EXOC4: variants seen among roughly 807,000 people sequenced by gnomAD.
EXOC4 encodes the protein exocyst complex component 4.
Under a neutral mutation model 107.2 loss-of-function variants are expected in EXOC4, and 71 were observed. The ratio of observed to expected loss-of-function variants is 0.66; its 90% confidence interval spans 0.55 to 0.81. The LOEUF (loss-of-function observed/expected upper bound fraction) is 0.81, where lower values mean the gene tolerates loss of function less well. Ranked by LOEUF, EXOC4 falls within the 30% of genes least tolerant of loss-of-function variation. The pLI is 0.00. For synonymous variants in EXOC4, 456 were observed against 441.2 expected (o/e 1.03, Z -0.42); for missense variants, 1,108 against 1,189.6 (o/e 0.93, Z 1.01).
intron 7 of EXOC4, among the ~76,000 whole-genome samples, chr7:133,400,470 T>C (rs1797065091): frequency 6.6e-6 from 1 of 152,188 alleles, no homozygotes; most frequent in Non-Finnish European, 1.5e-5. Context: ...TGACCAGTTA[T>C]TTGGGAGTCA....
At chr7:133,582,173 T>G (rs1801293187) in intron 9 of EXOC4, among the ~76,000 whole-genome samples, 2 of 152,122 alleles carry the variant, frequency 1.3e-5, no homozygotes, top group Non-Finnish European at 2.9e-5. Context: ...GGCCCTTCTT[T>G]TTGTCCACAT....
chr7:133,953,534 C>T (rs752799126), intron 14 of EXOC4, among the ~76,000 whole-genome samples: 6 of 151,932 alleles, frequency 3.9e-5, no homozygotes, highest in Non-Finnish European at 7.4e-5. Context: ...ACATGTGGTC[C>T]CAGCTACTAG....
intron 17 of EXOC4, among the ~76,000 whole-genome samples, chr7:134,040,012 A>G (rs886472377): frequency 1.3e-5 from 2 of 152,186 alleles, no homozygotes; most frequent in African/African-American, 4.8e-5. Context: ...CAAATTGCCA[A>G]CACCTCTCTA....
intron 9 of EXOC4, among the ~76,000 whole-genome samples, chr7:133,557,677 T>G (rs1395831682): frequency 6.6e-6 from 1 of 152,124 alleles, no homozygotes; most frequent in Non-Finnish European, 1.5e-5. Context: ...ATCCAACATT[T>G]TATTCTCTAT....
intron 1 of EXOC4, among the ~76,000 whole-genome samples, chr7:133,255,217 C>A (rs1026466222): frequency 6.6e-6 from 1 of 151,312 alleles, no homozygotes; most frequent in Non-Finnish European, 1.5e-5. Flanking sequence ...TTGCTCTGTC[C>A]CCAGGCTGGA....
intron 7 of EXOC4, chr7:133,396,246 G>A (rs554867585): frequency 2.1e-4 from 32 of 152,244 alleles, no homozygotes; most frequent in South Asian, 1.5e-3. Context: ...ATAATGAAAC[G>A]CTAGTGTTAT....
At chr7:133,337,940 A>C (rs1563024765) in intron 5 of EXOC4, among the ~76,000 whole-genome samples, 1 of 148,260 alleles carries the variant, frequency 6.7e-6, no homozygotes, top group Admixed American at 6.6e-5. Context: ...CCCATTTCTT[A>C]TTTTCTATGT....
intron 9 of EXOC4, among the ~76,000 whole-genome samples, chr7:133,505,835 A>AT (rs1799655969): frequency 6.6e-6 from 1 of 152,146 alleles, no homozygotes; most frequent in African/African-American, 2.4e-5. Context: ...GACTTTTTAC[A>AT]TTTCTCTCTG....
the EXOC4 span, among the ~76,000 whole-genome samples, chr7:134,080,019 A>G: frequency 2.0e-5 from 3 of 152,184 alleles, no homozygotes. Context: ...AGCTGGGGCC[A>G]TGCTACCAGC....
In EXOC4 at chr7:133,638,955, T is replaced by G. The variant is rs568742549; in HGVS notation, c.1514+8814T>G. On this transcript the variant is annotated intron_variant, in intron 10 of 17. Coordinates refer to ENST00000253861, the MANE Select transcript of EXOC4 (RefSeq NM_021807.4). ...AAAAGACTATTCAGAACAAAATGCTTGCATAATTTGTATGCTGCTTTTTAT... is the reference window on the plus strand; with the variant it reads ...AAAAGACTATTCAGAACAAAATGCTGGCATAATTTGTATGCTGCTTTTTAT... 1.5e-4 allele frequency among the ~76,000 whole-genome samples: 23 copies of G among 152,338 alleles called. No homozygotes were observed. In the South Asian group the frequency reaches 4.6e-3, roughly 30 times the overall value.
At chr7:134,005,385 T>C (rs921380653) in intron 16 of EXOC4, among the ~76,000 whole-genome samples, 9 of 151,896 alleles carry the variant, frequency 5.9e-5, no homozygotes, top group African/African-American at 2.2e-4. Context: ...ACAAATTAAC[T>C]CAAGAGGAGC....
chr7:133,509,552 A>G (rs1014247546), intron 9 of EXOC4, among the ~76,000 whole-genome samples: 2 of 18,232 alleles, frequency 1.1e-4, no homozygotes, highest in African/African-American at 2.4e-4. Flanking sequence ...TGGCATTTGG[A>G]TGTCTTAGTG....
chr7:133,543,475 TCTC>T (rs1800420707), intron 9 of EXOC4, among the ~76,000 whole-genome samples: 1 of 152,076 alleles, frequency 6.6e-6, no homozygotes, highest in Non-Finnish European at 1.5e-5. Context: ...TAATTCCATT[TCTC>T]CTGAGTTGCT....
chr7:133,762,949 T>A (rs1796063375), intron 10 of EXOC4, among the ~76,000 whole-genome samples: 1 of 152,160 alleles, frequency 6.6e-6, no homozygotes, highest in South Asian at 2.1e-4. Flanking sequence ...ATATCATGTA[T>A]ATATTAATAA....
the EXOC4 span, among the ~76,000 whole-genome samples, chr7:134,073,439 C>T: frequency 6.6e-6 from 1 of 151,618 alleles, no homozygotes; most frequent in East Asian, 1.9e-4. Flanking sequence ...TAGCTATTAG[C>T]GAGGGTTTTG....
At chr7:133,641,777 G>A (rs769727036) in intron 10 of EXOC4, among the ~76,000 whole-genome samples, 5 of 152,198 alleles carry the variant, frequency 3.3e-5, no homozygotes, top group Non-Finnish European at 7.3e-5. Context: ...AATAAGAATA[G>A]TAAAGAAAAT....
intron 8 of EXOC4, chr7:133,479,648 T>C (rs1417398226): frequency 4.1e-5 from 8 of 195,666 alleles, no homozygotes; most frequent in Non-Finnish European, 6.6e-5. Context: ...GTGTCTGTGT[T>C]GGTAGCTGGC....
chr7:133,485,225 C>T (rs1159866374), intron 9 of EXOC4, among the ~76,000 whole-genome samples: 1 of 151,916 alleles, frequency 6.6e-6, no homozygotes, highest in Admixed American at 6.6e-5. Flanking sequence ...TCTTCAACTC[C>T]AGTCCACTGA....
intron 9 of EXOC4, among the ~76,000 whole-genome samples, chr7:133,528,788 G>A (rs547043066): frequency 1.2e-4 from 18 of 152,236 alleles, no homozygotes; most frequent in East Asian, 3.9e-4. Context: ...GTGAGAAAAT[G>A]TACGTAAGTT....
Sources: gnomAD v4.1 joint callset for allele counts (sites outside exome capture counted in the v4.1 genomes callset) on GRCh38, gnomAD v4.1.1 for gene constraint, MANE v1.5 for transcripts, NCBI Gene and HGNC (gene_info 2026-07-23, HGNC 2026-07-21) for gene names.